CHD6: variants seen among roughly 807,000 people sequenced by gnomAD.
The protein encoded by CHD6 is chromodomain helicase DNA binding protein 6, also known as ATP-dependent chromatin remodeler CHD6.
In CHD6, 50 loss-of-function variants were observed where a neutral mutation model predicts 276.9. The ratio of observed to expected loss-of-function variants is 0.18; its 90% confidence interval spans 0.14 to 0.23. CHD6 has a LOEUF of 0.23. CHD6 is among the 10% of genes least tolerant of loss of function. The pLI is 1.00. For missense variants in CHD6, 2,564 were observed against 3,365.8 expected (o/e 0.76, Z 5.89); for synonymous variants, 1,173 against 1,229.3 (o/e 0.95, Z 0.96).
chr20:41,406,896 A>G (rs1186467973), intron 36 of CHD6, among the ~76,000 whole-genome samples: 1 of 152,234 alleles, frequency 6.6e-6, no homozygotes, highest in African/African-American at 2.4e-5. Context: ...GTTTGAGGAC[A>G]AAGCCCTCCC....
intron 14 of CHD6, 26 bp downstream of exon 14, chr20:41,487,636 TCTC>T (rs754556800): frequency 3.2e-6 from 5 of 1,581,636 alleles, no homozygotes; most frequent in Admixed American, 2.0e-5. Context: ...GATCACACTG[TCTC>T]CTCAATTCTT....
intron 2 of CHD6, among the ~76,000 whole-genome samples, chr20:41,545,963 C>G (rs1397934840): frequency 1.3e-5 from 2 of 152,124 alleles, no homozygotes; most frequent in African/African-American, 4.8e-5. Context: ...CTCTCCAATT[C>G]CAGAGCATGA....
intron 2 of CHD6, 32 bp downstream of exon 2, chr20:41,551,273 T>C (rs908949851): frequency 1.7e-5 from 24 of 1,410,400 alleles, no homozygotes; most frequent in Admixed American, 3.4e-5. Flanking sequence ...GATACCCGGA[T>C]GCATTCACTT....
chr20:41,426,250 G>C (rs747901679), intron 27 of CHD6, 97 bp from the exon 28 acceptor site: 1 of 859,830 alleles, frequency 1.2e-6, no homozygotes, highest in Non-Finnish European at 2.0e-6. Flanking sequence ...TCACGCATAA[G>C]AGCTGTCCCC....
chr20:41,614,630 T>C (rs2045918700), intron 1 of CHD6: 1 of 152,216 alleles, frequency 6.6e-6, no homozygotes, highest in Non-Finnish European at 1.5e-5. Flanking sequence ...ACAAACATTT[T>C]TCTTTGGATT....
chr20:41,504,559 GCCACCACAC>G (rs2043931139), intron 5 of CHD6, among the ~76,000 whole-genome samples: 1 of 151,830 alleles, frequency 6.6e-6, no homozygotes, highest in African/African-American at 2.4e-5. Context: ...ACAGGCACAA[GCCACCACAC>G]CCAGCTAATT....
intron 33 of CHD6, 102 bp from the exon 34 acceptor site, chr20:41,415,740 A>G (rs1188594306): frequency 1.1e-6 from 1 of 889,960 alleles, no homozygotes; most frequent in Non-Finnish European, 1.7e-6. Flanking sequence ...TATTGTTTCC[A>G]ATCATCTTTT....
At chr20:41,430,160 A>G (rs1418842588) in intron 27 of CHD6, among the ~76,000 whole-genome samples, 1 of 152,246 alleles carries the variant, frequency 6.6e-6, no homozygotes, top group African/African-American at 2.4e-5. Flanking sequence ...CATGCAGACT[A>G]GAAGTAAAGG....
At chr20:41,554,871 G>C (rs2045198918) in intron 1 of CHD6, among the ~76,000 whole-genome samples, 2 of 152,170 alleles carry the variant, frequency 1.3e-5, no homozygotes, top group Admixed American at 1.3e-4. Flanking sequence ...TTGTCATCAT[G>C]GCCTGTTCTC....
chr20:41,590,603 G>C (rs1199668088), intron 1 of CHD6, among the ~76,000 whole-genome samples: 1 of 152,188 alleles, frequency 6.6e-6, no homozygotes, highest in Admixed American at 6.5e-5. Context: ...AAAGACTCAT[G>C]AAAAAATGCT....
intron 3 of CHD6, among the ~76,000 whole-genome samples, chr20:41,528,750 A>T (rs948555138): frequency 6.6e-6 from 1 of 152,236 alleles, no homozygotes; most frequent in Non-Finnish European, 1.5e-5. Flanking sequence ...TTTATCTCTT[A>T]AGCAATAAAT....
chr20:41,421,879 T>C lies in CHD6; in HGVS notation c.4756A>G (p.Ile1586Val), dbSNP rs3746542. 19 of 1,614,082 alleles carry C rather than the reference T, an allele frequency of 1.2e-5. No homozygotes were observed. The East Asian group carries it at 2.7e-4, about 23-fold the overall frequency. ...ECGKHDRDLL[I>V]GTAKHGLNRT... ...TTCAGCCCATGTTTGGCAGTGCCGA[T>C]GAGCAGGTCTCGATCATGCTTCCCA... The change falls in exon 31 of 37, where the codon ATC becomes GTC. Residue 1586 changes from isoleucine to valine, a missense_variant. Ile to Val is a conservative substitution (Grantham distance 29). Transcript: ENST00000373233.
At chr20:41,564,296 A>C (rs1025637427) in intron 1 of CHD6, 2 of 577,496 alleles carry the variant, frequency 3.5e-6, no homozygotes, top group Admixed American at 3.4e-5. Flanking sequence ...CAAAAAACTC[A>C]CAACTCCCAA....
intron 17 of CHD6, among the ~76,000 whole-genome samples, chr20:41,465,571 G>A (rs886879962): frequency 3.3e-5 from 5 of 151,888 alleles, no homozygotes; most frequent in Non-Finnish European, 7.4e-5. Flanking sequence ...GTGGATACTG[G>A]GCCAGAAAAA....
At chr20:41,612,252 C>T (rs1225023986) in intron 1 of CHD6, among the ~76,000 whole-genome samples, 1 of 152,176 alleles carries the variant, frequency 6.6e-6, no homozygotes, top group Admixed American at 6.5e-5. Context: ...AGACTACTTT[C>T]AGTAGCCTGA....
At chr20:41,446,063 T>C (rs1019796918) in intron 24 of CHD6, among the ~76,000 whole-genome samples, 7 of 152,204 alleles carry the variant, frequency 4.6e-5, no homozygotes, top group Non-Finnish European at 8.8e-5. Flanking sequence ...GGGATCCATA[T>C]GTATAGAGTT....
chr20:41,453,090 T>C (rs1372189968), intron 20 of CHD6, 148 bp from the exon 21 acceptor site: 2 of 642,212 alleles, frequency 3.1e-6, no homozygotes, highest in East Asian at 2.7e-5. Context: ...ACACCTGCTG[T>C]CTCCATGACC....
intron 27 of CHD6, among the ~76,000 whole-genome samples, chr20:41,428,323 T>C (rs1248810181): frequency 6.6e-6 from 1 of 152,214 alleles, no homozygotes; most frequent in Non-Finnish European, 1.5e-5. Context: ...ATCCGTTTAA[T>C]GTGAGTGTGT....
At chr20:41,540,373 T>C (rs1399402742) in intron 2 of CHD6, among the ~76,000 whole-genome samples, 3 of 152,254 alleles carry the variant, frequency 2.0e-5, no homozygotes, top group Admixed American at 6.5e-5. Flanking sequence ...TTATTTCTAA[T>C]AGACATCTAC....
Sources: allele counts gnomAD v4.1 joint callset (sites outside exome capture counted in the v4.1 genomes callset), GRCh38; gene constraint gnomAD v4.1.1; transcripts MANE v1.5; gene names NCBI Gene and HGNC (gene_info 2026-07-23, HGNC 2026-07-21).